The following USP7 variants were observed in gnomAD, a reference collection of about 807,000 sequenced individuals.
USP7 encodes the protein ubiquitin specific peptidase 7, also known as ubiquitin C-terminal hydrolase 7.
In USP7, 9 loss-of-function variants were observed where a neutral mutation model predicts 162.9. That is an observed-to-expected ratio of 0.06 (90% confidence interval 0.03 to 0.10). The LOEUF (loss-of-function observed/expected upper bound fraction) is 0.10. USP7 is among the 10% of genes least tolerant of loss of function. The probability of loss-of-function intolerance (pLI) is 1.00; values close to 1 mark genes in which losing one functional copy is unlikely to be tolerated. For missense variants in USP7, 715 were observed against 1,373.7 expected (o/e 0.52, Z 7.58); for synonymous variants, 562 against 475.9 (o/e 1.18, Z -2.35).
In USP7 at chr16:8,908,521, G is replaced by A. The variant is rs16964658; in HGVS notation, c.1162-71C>T. On this transcript the variant is annotated intron_variant, in intron 11 of 30. Transcript: ENST00000344836. The stretch of plus-strand genomic sequence containing the variant: ...TCCTGGAAGCAATGAAAGCAACAGC[G>A]GTTCAGCAAGATTGGAACATGTCTG... The A allele has an allele frequency of 1.0e-3, 1,345 of 1,336,562 alleles. 10 individuals carry two copies. In the African/African-American group the frequency reaches 0.016, roughly 16 times the overall value. The allele number at this position is 1,336,562 out of a possible 1,614,324, so 82.8% of individuals were successfully genotyped here. A position where few individuals can be genotyped will look rare whatever the true frequency, so the allele number is the denominator to read the frequency against.
Position 8,902,396 on chromosome 16 carries a change from G to A in USP7, c.1926C>T (p.Ala642=), listed in dbSNP as rs140316737. The A allele has an allele frequency of 3.1e-4, 500 of 1,613,836 alleles. 1 individual carries two copies. The highest frequency in any genetic ancestry group is 3.9e-4 in the Non-Finnish European group (462 of 1,179,960). The change falls in exon 17 of 31, where the codon GCC becomes GCT. Residue 642 remains alanine, a synonymous_variant. Coordinates refer to ENST00000344836, the MANE Select transcript of USP7 (RefSeq NM_003470.3). The part of the protein sequence containing the change: ...TKRPAMLDNE[A]DGNKTMIELS... Reference sequence around the variant, plus strand: ...CAATATTTACTGTTTTATTGCCGTCGGCTTCATTATCTAACATTGCTGGTC... The same window carrying A: ...CAATATTTACTGTTTTATTGCCGTCAGCTTCATTATCTAACATTGCTGGTC...
intron 1 of USP7, among the ~76,000 whole-genome samples, chr16:8,940,066 C>G (rs1596403956): frequency 6.6e-6 from 1 of 152,244 alleles, no homozygotes; most frequent in East Asian, 1.9e-4. Context: ...CCACTGAACT[C>G]CAGCATGGGT....
intron 27 of USP7, 83 bp downstream of exon 27, chr16:8,895,559 G>T: frequency 1.7e-6 from 2 of 1,164,938 alleles, no homozygotes; most frequent in Non-Finnish European, 2.5e-6. Context: ...CAAGCTACTT[G>T]TACAACTTGC....
intron 1 of USP7, among the ~76,000 whole-genome samples, chr16:8,957,325 T>G (rs1389319774): frequency 6.6e-6 from 1 of 152,212 alleles, no homozygotes; most frequent in African/African-American, 2.4e-5. Context: ...TAGGTGACAT[T>G]TAACATCTAA....
At chr16:8,905,164 G>GAACAA (rs770709377) in intron 14 of USP7, 23 bp downstream of exon 14, 1 of 1,610,144 alleles carries the variant, frequency 6.2e-7, no homozygotes, top group Non-Finnish European at 8.5e-7. Context: ...GTAAAGAACA[G>GAACAA]AACAAAAGTG....
chr16:8,947,762 A>T (rs187909505), intron 1 of USP7, among the ~76,000 whole-genome samples: 4 of 152,336 alleles, frequency 2.6e-5, no homozygotes, highest in Admixed American at 1.3e-4. Flanking sequence ...GGATCCTGCC[A>T]TCAAAAACTT....
chr16:8,938,726 G>C (rs1177246969), intron 1 of USP7, among the ~76,000 whole-genome samples: 1 of 146,302 alleles, frequency 6.8e-6, no homozygotes, highest in Non-Finnish European at 1.5e-5. Flanking sequence ...AAAAAAAATT[G>C]GGGGGACGGG....
At chr16:8,935,642 C>T (rs1898665337) in intron 1 of USP7, 1 of 152,210 alleles carries the variant, frequency 6.6e-6, no homozygotes, top group South Asian at 2.1e-4. Flanking sequence ...AAAGCAATTA[C>T]CATCCCATAA....
intron 21 of USP7, 53 bp downstream of exon 21, chr16:8,900,476 TA>T (rs1567208847): frequency 1.4e-6 from 2 of 1,400,844 alleles, no homozygotes; most frequent in Non-Finnish European, 1.9e-6. Context: ...TTCTACAACT[TA>T]AAAAAATCCT....
chr16:8,936,798 G>A, intron 1 of USP7: 1 of 1,259,856 alleles, frequency 7.9e-7, no homozygotes, highest in Non-Finnish European at 1.0e-6. Context: ...AGATAAGGCA[G>A]TCCAGGAACA....
rs184021107 is a variant in USP7, at chr16:8,905,029, C to T, written c.1573+158G>A. Among the ~76,000 whole-genome samples, 479 of 152,254 alleles carry T rather than the reference C, an allele frequency of 3.1e-3. 10 individuals are homozygous for T. The highest frequency in any genetic ancestry group is 0.029 in the Admixed American group (445 of 15,286). ...ATTACTTGGTACCATAAGTCTGCAT[C>T]GAAACGCGCAAGCCCAACCCTGCTC... On this transcript the variant is annotated intron_variant, in intron 14 of 30. Transcript: ENST00000344836.
At chr16:8,916,706 A>C (rs1030920038) in intron 7 of USP7, 150 bp from the exon 8 acceptor site, 4 of 863,704 alleles carry the variant, frequency 4.6e-6, no homozygotes, top group Non-Finnish European at 3.5e-6. Context: ...GTCATAATTC[A>C]AAGATAGATT....
rs1465758262 is a variant in USP7, at chr16:8,963,721, C to T, written c.-436G>A. Among the ~76,000 whole-genome samples, 1 of 141,546 alleles carries T rather than the reference C, an allele frequency of 7.1e-6. No homozygotes were observed. The highest frequency in any genetic ancestry group is 1.6e-5 in the Non-Finnish European group (1 of 64,256). The allele number at this position is 141,546 out of a possible 152,430, so 92.9% of individuals were successfully genotyped here. A position where few individuals can be genotyped will look rare whatever the true frequency, so the allele number is the denominator to read the frequency against. On this transcript the variant is annotated 5_prime_UTR_variant, in exon 1 of 31. Coordinates refer to ENST00000344836, the MANE Select transcript of USP7 (RefSeq NM_003470.3). ...GGGCGCGGCGGACGGGAGGCCTGGC[C>T]GGCCGCGGCGGGCCTGCGGGCCCTG... is the stretch of plus-strand genomic sequence containing the variant.
chr16:8,926,071 G>A (rs1050009411), intron 2 of USP7, among the ~76,000 whole-genome samples: 5 of 151,438 alleles, frequency 3.3e-5, no homozygotes, highest in Admixed American at 1.3e-4. Context: ...GGAGAATGGC[G>A]TGAACCCGGG....
At chr16:8,906,400 A>T (rs2061861383) in intron 13 of USP7, 26 bp downstream of exon 13, 2 of 1,602,926 alleles carry the variant, frequency 1.2e-6, no homozygotes, top group Middle Eastern at 2.3e-4. Context: ...ATGAGCTTGC[A>T]TTCAGCCCTG....
rs1214470808 is a variant in USP7 at position 8,963,821 on chromosome 16, G to T, written c.-536C>A. ...GAGAGCCGCGGCCTCCGCCTCCTCGGCGTCGTCGTCGGGGCTCCGGCAGCG... is the reference window on the plus strand; with the variant it reads ...GAGAGCCGCGGCCTCCGCCTCCTCGTCGTCGTCGTCGGGGCTCCGGCAGCG... On this transcript the variant is annotated 5_prime_UTR_variant, in exon 1 of 31. Transcript: ENST00000344836. Among the ~76,000 whole-genome samples, 44 of 146,542 alleles carry T rather than the reference G, an allele frequency of 3.0e-4. No individual in the cohort carries two copies. In the East Asian group the frequency reaches 7.8e-3, roughly 26 times the overall value.
At position 8,944,874 on chromosome 16, in the gene USP7, G is replaced by A. The variant is rs577686928; in HGVS notation, c.80-14477C>T. On this transcript the variant is annotated intron_variant, in intron 1 of 30. Transcript: ENST00000344836. ...TGATCCCAGCACTTGGGAGGCTGAA[G>A]TGAGGGGCAGATCGAATGAGGTCAG... is the stretch of plus-strand genomic sequence containing the variant. Among the ~76,000 whole-genome samples, 10 of 151,532 alleles carry A rather than the reference G, an allele frequency of 6.6e-5. No individual in the cohort carries two copies. The East Asian group carries it at 1.3e-3, about 20-fold the overall frequency.
At chr16:8,921,043 T>C (rs976179693) in intron 4 of USP7, 114 bp downstream of exon 4, 37 of 1,217,964 alleles carry the variant, frequency 3.0e-5, no homozygotes, top group Middle Eastern at 5.8e-4. Context: ...CTTGTCCAAT[T>C]TAGAAAGTAA....
At chr16:8,945,922 G>A (rs1228582365) in intron 1 of USP7, among the ~76,000 whole-genome samples, 1 of 152,018 alleles carries the variant, frequency 6.6e-6, no homozygotes. Context: ...CAACAGCACT[G>A]ATTGAGAAAT....
Sources: allele counts gnomAD v4.1 joint callset (sites outside exome capture counted in the v4.1 genomes callset), GRCh38; gene constraint gnomAD v4.1.1; transcripts MANE v1.5; gene names NCBI Gene and HGNC (gene_info 2026-07-23, HGNC 2026-07-21).